The following MXRA7 variants were observed in gnomAD, a reference collection of about 807,000 sequenced individuals.
MXRA7 encodes matrix remodeling associated 7, also known as matrix-remodeling-associated protein 7.
A neutral mutation model predicts 17.4 loss-of-function variants in MXRA7; 18 were observed. That is an observed-to-expected ratio of 1.03 (90% CI 0.71 to 1.53). The LOEUF (loss-of-function observed/expected upper bound fraction) is 1.53, where lower values mean the gene tolerates loss of function less well. Ranked by LOEUF, MXRA7 falls within the 40% of genes most tolerant of loss-of-function variation. The pLI, the probability that MXRA7 is intolerant of heterozygous loss-of-function variation, is 0.00. For synonymous variants in MXRA7, 70 were observed against 101.7 expected (o/e 0.69, Z 1.87); for missense variants, 141 against 209.3 (o/e 0.67, Z 2.01).
At position 76,685,054 on chromosome 17, in the gene MXRA7, G is replaced by A. The variant is rs776536971; in HGVS notation, c.500+18C>T. 6.8e-6 allele frequency: 11 copies of A among 1,607,944 alleles called. No individual in the cohort carries two copies. The highest frequency in any genetic ancestry group is 1.1e-5 in the South Asian group (1 of 90,952). On this transcript the variant is annotated intron_variant, in intron 3 of 3. Coordinates refer to ENST00000449428, the MANE Select transcript of MXRA7 (RefSeq NM_198530.4). The stretch of plus-strand genomic sequence containing the variant: ...CCCCAAGAGCCCGCCAGGCGCCAGC[G>A]AAGGGGCTGCAGCCTACCTCTGCTC...
intron 1 of MXRA7, among the ~76,000 whole-genome samples, chr17:76,692,491 G>A (rs1016544183): frequency 3.0e-4 from 45 of 152,052 alleles, no homozygotes; most frequent in African/African-American, 1.1e-3. Flanking sequence ...GACCTCAGGT[G>A]ATCCGCCCGT....
chr17:76,702,858 A>ATACATATACGTATATATATATATACGT (rs1555644735), intron 1 of MXRA7, among the ~76,000 whole-genome samples: 3 of 55,678 alleles, frequency 5.4e-5, no homozygotes, highest in Non-Finnish European at 8.4e-5. Context: ...TCTTAAAATA[A>ATACATATACGTATATATATATATACGT]ATATATATAT....
At chr17:76,708,047 C>A (rs1279151085) in intron 1 of MXRA7, among the ~76,000 whole-genome samples, 3 of 152,234 alleles carry the variant, frequency 2.0e-5, no homozygotes, top group Non-Finnish European at 2.9e-5. Context: ...TGATCTCATC[C>A]CCATTTCTTT....
chr17:76,686,877 G>A (rs1036935602), intron 2 of MXRA7, among the ~76,000 whole-genome samples: 6 of 151,986 alleles, frequency 3.9e-5, no homozygotes, highest in African/African-American at 1.5e-4. Context: ...ATGGCAGGAG[G>A]CTAAGATGGC....
chr17:76,688,088 T>A, intron 2 of MXRA7, 25 bp downstream of exon 2: 1 of 1,539,094 alleles, frequency 6.5e-7, no homozygotes, highest in Non-Finnish European at 8.8e-7. Context: ...TCAGGCCCCC[T>A]CATGAGCGCA....
At chr17:76,688,742 G>C (rs946678181) in intron 1 of MXRA7, 1 of 1,155,390 alleles carries the variant, frequency 8.7e-7, no homozygotes, top group Non-Finnish European at 1.1e-6. Context: ...GGATGGCCTT[G>C]GTGGAAGGAA....
chr17:76,709,345 G>A (rs1598365921), intron 1 of MXRA7, among the ~76,000 whole-genome samples: 1 of 152,150 alleles, frequency 6.6e-6, no homozygotes, highest in South Asian at 2.1e-4. Context: ...CCATCACCGC[G>A]TGAGGTCTGG....
At chr17:76,709,548 C>G (rs1022059923) in intron 1 of MXRA7, 2 of 152,824 alleles carry the variant, frequency 1.3e-5, no homozygotes, top group African/African-American at 4.8e-5. Flanking sequence ...CCTCCTCCCC[C>G]GAAGGGCTTC....
At chr17:76,697,269 C>T (rs1459909488) in intron 1 of MXRA7, among the ~76,000 whole-genome samples, 7 of 152,088 alleles carry the variant, frequency 4.6e-5, no homozygotes, top group Non-Finnish European at 7.4e-5. Context: ...TGTGAGGAGG[C>T]GGAGAAGGCG....
At chr17:76,676,336 A>G (rs2076241121), downstream of MXRA7, 1 of 152,222 alleles carries the variant, frequency 6.6e-6, no homozygotes, top group Non-Finnish European at 1.5e-5. Context: ...CAAGTACTCA[A>G]ATAAGTCTTG....
At chr17:76,701,766 C>A (rs34835035) in intron 1 of MXRA7, among the ~76,000 whole-genome samples, 79,899 of 151,338 alleles carry the variant, frequency 0.53, 21,106 homozygotes, top group Middle Eastern at 0.65. Flanking sequence ...CCAGGGCCGA[C>A]TGCTGCGTTC....
At chr17:76,704,937 C>G (rs1470206554) in intron 1 of MXRA7, among the ~76,000 whole-genome samples, 1 of 152,128 alleles carries the variant, frequency 6.6e-6, no homozygotes, top group Non-Finnish European at 1.5e-5. Context: ...TCCAGAAATA[C>G]TCCTAACCAT....
intron 1 of MXRA7, among the ~76,000 whole-genome samples, chr17:76,695,084 C>T (rs1180513150): frequency 9.2e-5 from 14 of 152,044 alleles, no homozygotes; most frequent in Admixed American, 5.9e-4. Flanking sequence ...CGCTTGAACC[C>T]GGGAGGTGGG....
At chr17:76,675,070 T>C (rs1260040343), downstream of MXRA7, 1 of 152,236 alleles carries the variant, frequency 6.6e-6, no homozygotes, top group Non-Finnish European at 1.5e-5. Context: ...CTGTTCTTGT[T>C]TAAGCCAGTT....
chr17:76,697,494 C>T (rs767807146), intron 1 of MXRA7, among the ~76,000 whole-genome samples: 3 of 152,240 alleles, frequency 2.0e-5, no homozygotes, highest in Non-Finnish European at 2.9e-5. Flanking sequence ...TTGAGACAGG[C>T]AGCTGGCGTC....
chr17:76,679,009 A>T (rs1310901335), downstream of MXRA7, among the ~76,000 whole-genome samples: 1 of 152,186 alleles, frequency 6.6e-6, no homozygotes, highest in African/African-American at 2.4e-5. Flanking sequence ...GTAAGAAGAA[A>T]GAGGGTCAGG....
In MXRA7 at chr17:76,705,027, C is replaced by T. The variant is rs533974619; in HGVS notation, c.342+5578G>A. Among the ~76,000 whole-genome samples, 22 of 152,208 alleles carry T rather than the reference C, an allele frequency of 1.4e-4. No individual in the cohort carries two copies. The South Asian group carries it at 4.4e-3, about 30-fold the overall frequency. ...CCTCCTCCCACAGTGTGGTTTGAGC[C>T]GAGTGGGAAAGAGCGGGGCTACAAA... On this transcript the variant is annotated intron_variant, in intron 1 of 3. Transcript: ENST00000449428.
At chr17:76,706,170 G>GTCAGAGGCCCACGCTGCCA (rs2076653884) in intron 1 of MXRA7, among the ~76,000 whole-genome samples, 1 of 72,458 alleles carries the variant, frequency 1.4e-5, no homozygotes, top group Non-Finnish European at 2.8e-5. Context: ...CCACGCTGCC[G>GTCAGAGGCCCACGCTGCCA]TCACAGAGGC....
intron 1 of MXRA7, among the ~76,000 whole-genome samples, chr17:76,698,464 C>T (rs570968104): frequency 4.6e-5 from 7 of 152,134 alleles, no homozygotes; most frequent in East Asian, 1.9e-4. Flanking sequence ...CCTCCATACC[C>T]GGCAAAACAA....
Sources: gnomAD v4.1 joint callset for allele counts (sites outside exome capture counted in the v4.1 genomes callset) on GRCh38, gnomAD v4.1.1 for gene constraint, MANE v1.5 for transcripts, NCBI Gene and HGNC (gene_info 2026-07-23, HGNC 2026-07-21) for gene names.